CNTNAP4: variants seen among roughly 807,000 people sequenced by gnomAD.
CNTNAP4 encodes contactin associated protein family member 4, also known as contactin-associated protein-like 4.
In CNTNAP4, 98 loss-of-function variants were observed where a neutral mutation model predicts 148.4. The ratio of observed to expected loss-of-function variants is 0.66; its 90% CI spans 0.56 to 0.78. The LOEUF (loss-of-function observed/expected upper bound fraction) is 0.78, where lower values mean the gene tolerates loss of function less well. Ranked by LOEUF, CNTNAP4 falls within the 30% of genes least tolerant of loss-of-function variation. The pLI is 0.00. For missense variants in CNTNAP4, 1,935 were observed against 1,565.6 expected, an observed-to-expected ratio of 1.24 and a Z score of -3.98; for synonymous variants, 730 against 565.1, an observed-to-expected ratio of 1.29 and a Z score of -4.14.
chr16:76,497,828 A>C (rs1169669242), intron 14 of CNTNAP4, among the ~76,000 whole-genome samples: 1 of 152,146 alleles, frequency 6.6e-6, no homozygotes, highest in African/African-American at 2.4e-5. Context: ...TGTATCCTAG[A>C]ACTTAAAGTA....
intron 8 of CNTNAP4, among the ~76,000 whole-genome samples, chr16:76,458,120 T>C (rs2080805227): frequency 6.6e-6 from 1 of 152,198 alleles, no homozygotes; most frequent in Admixed American, 6.5e-5. Context: ...CTGCAAACAA[T>C]GTTATTCCAT....
rs535217459 is a variant in CNTNAP4, at chr16:76,288,853, T to G, written c.85+11106T>G. ...TCAGGCTAGACAAATTGGAAAATTG[T>G]GTTATTTTGGTGATTTAAACGTCCT... On this transcript the variant is annotated intron_variant, in intron 1 of 23. Coordinates refer to ENST00000611870, the MANE Select transcript of CNTNAP4 (RefSeq NM_033401.5). Among the ~76,000 whole-genome samples the G allele has an allele frequency of 3.3e-5, 5 of 152,260 alleles. No individual in the cohort carries two copies. The East Asian group carries it at 9.7e-4, about 29-fold the overall frequency.
chr16:76,463,368 T>C (rs898314270), intron 9 of CNTNAP4, among the ~76,000 whole-genome samples: 1 of 152,196 alleles, frequency 6.6e-6, no homozygotes, highest in African/African-American at 2.4e-5. Flanking sequence ...ATCATCATTC[T>C]TCACATATTT....
chr16:76,392,338 C>T (rs1268403802), intron 3 of CNTNAP4, among the ~76,000 whole-genome samples: 1 of 151,986 alleles, frequency 6.6e-6, no homozygotes, highest in Admixed American at 6.6e-5. Context: ...GGAAAATGTT[C>T]CTAAACATAA....
intron 1 of CNTNAP4, among the ~76,000 whole-genome samples, chr16:76,310,920 C>T (rs1289379594): frequency 1.3e-5 from 2 of 151,984 alleles, no homozygotes; most frequent in Non-Finnish European, 2.9e-5. Flanking sequence ...ACCTATTAGT[C>T]ATGGGTCCTT....
At chr16:76,503,218 C>T (rs1314099735) in intron 15 of CNTNAP4, among the ~76,000 whole-genome samples, 2 of 152,128 alleles carry the variant, frequency 1.3e-5, no homozygotes, top group African/African-American at 4.8e-5. Context: ...AGAATGTCTG[C>T]TCTCACTACT....
chr16:76,452,541 T>A lies in CNTNAP4; in HGVS notation c.1105T>A (p.Ser369Thr). 6.2e-7 allele frequency: 1 copy of A among 1,614,018 alleles called. No homozygotes were observed. Among genetic ancestry groups the A allele is most frequent in the Non-Finnish European group, 8.5e-7 (1 of 1,179,868 alleles). ...NVSFSCSQPQSMPVTFLSSRS... is the reference protein window; with the variant it reads ...NVSFSCSQPQTMPVTFLSSRS... Reference sequence around the variant, plus strand: ...GTCATTTTCTTGTTCACAACCACAATCTATGCCCGTGACTTTTCTGAGCTC... The same window carrying A: ...GTCATTTTCTTGTTCACAACCACAAACTATGCCCGTGACTTTTCTGAGCTC... The change falls in exon 8 of 24, where the codon TCT becomes ACT. Residue 369 changes from serine (S) to threonine (T), a missense_variant. Coordinates refer to ENST00000611870, the MANE Select transcript of CNTNAP4 (RefSeq NM_033401.5).
At chr16:76,518,174 C>T (rs995478751) in intron 15 of CNTNAP4, among the ~76,000 whole-genome samples, 3 of 151,996 alleles carry the variant, frequency 2.0e-5, no homozygotes, top group African/African-American at 7.3e-5. Flanking sequence ...GTCATCCAGG[C>T]TGGAATGCAG....
chr16:76,414,153 A>G (rs924879059), intron 3 of CNTNAP4, among the ~76,000 whole-genome samples: 1 of 151,362 alleles, frequency 6.6e-6, no homozygotes, highest in East Asian at 1.9e-4. Flanking sequence ...AGCTCTCAGC[A>G]TTTCCTATAA....
At chr16:76,315,100 C>A (rs2052866) in intron 1 of CNTNAP4, among the ~76,000 whole-genome samples, 2 of 151,892 alleles carry the variant, frequency 1.3e-5, no homozygotes, top group African/African-American at 2.4e-5. Context: ...CTTTTACTGG[C>A]GTGTATTATA....
chr16:76,464,951 T>C (rs1267558007), intron 9 of CNTNAP4, among the ~76,000 whole-genome samples: 1 of 152,222 alleles, frequency 6.6e-6, no homozygotes, highest in African/African-American at 2.4e-5. Context: ...CTAATTTCTG[T>C]ACATTCCCCT....
chr16:76,401,412 C>T (rs2078410995), intron 3 of CNTNAP4, among the ~76,000 whole-genome samples: 1 of 152,122 alleles, frequency 6.6e-6, no homozygotes, highest in Non-Finnish European at 1.5e-5. Context: ...TAAGAGTTTG[C>T]TGAAGTTGTT....
chr16:76,420,211 G>C (rs2079131747), intron 3 of CNTNAP4, among the ~76,000 whole-genome samples: 1 of 150,414 alleles, frequency 6.6e-6, no homozygotes, highest in African/African-American at 2.5e-5. Flanking sequence ...ATATTCTGTA[G>C]AATATATATT....
chr16:76,331,229 C>T (rs959225358), intron 2 of CNTNAP4, among the ~76,000 whole-genome samples: 4 of 151,626 alleles, frequency 2.6e-5, no homozygotes, highest in Non-Finnish European at 4.4e-5. Flanking sequence ...GCTCTGTTGC[C>T]CAGGCTGGAG....
chr16:76,342,476 T>C (rs1413190686), intron 2 of CNTNAP4, among the ~76,000 whole-genome samples: 16,927 of 135,096 alleles, frequency 0.13, 1,306 homozygotes, highest in East Asian at 0.45. Flanking sequence ...TTTTTTTTTT[T>C]TTTTTTTTTT....
intron 1 of CNTNAP4, among the ~76,000 whole-genome samples, chr16:76,312,839 T>C (rs751831136): frequency 3.2e-4 from 48 of 152,080 alleles, no homozygotes; most frequent in Non-Finnish European, 5.4e-4. Context: ...CAAGGAGGGG[T>C]AAAGATTAGT....
At chr16:76,321,405 C>G (rs995257307) in intron 2 of CNTNAP4, among the ~76,000 whole-genome samples, 1 of 152,020 alleles carries the variant, frequency 6.6e-6, no homozygotes, top group African/African-American at 2.4e-5. Flanking sequence ...CATGTCAGTG[C>G]TTAAGAGGAT....
At chr16:76,438,140 T>A (rs1434424736) in intron 4 of CNTNAP4, among the ~76,000 whole-genome samples, 2 of 152,106 alleles carry the variant, frequency 1.3e-5, no homozygotes, top group Non-Finnish European at 2.9e-5. Flanking sequence ...GAGGTCAGAT[T>A]TCAAGTTGCC....
At position 76,522,681 on chromosome 16, in the gene CNTNAP4, TC is replaced by T. The variant is rs1568496620; in HGVS notation, c.2755+425del. 1.2e-3 allele frequency among the ~76,000 whole-genome samples: 101 copies of T among 85,300 alleles called. 5 individuals carry two copies. The highest frequency in any genetic ancestry group is 3.2e-3 in the African/African-American group (68 of 21,480). The allele number at this position is 85,300 out of a possible 152,430, so 56.0% of individuals were successfully genotyped here. On this transcript the variant is annotated intron_variant, in intron 17 of 23. Transcript: ENST00000611870. ...TTCTCTCTTTCCTTCTTTCTCTCTT[TC>T]TCTCCTTTCTTTTCTTTTCTTTTCT...
Sources: allele counts gnomAD v4.1 joint callset (sites outside exome capture counted in the v4.1 genomes callset), GRCh38; gene constraint gnomAD v4.1.1; transcripts MANE v1.5; gene names NCBI Gene and HGNC (gene_info 2026-07-23, HGNC 2026-07-21).